ANKRD13C: variants seen among roughly 807,000 people sequenced by gnomAD.
ANKRD13C encodes the protein ankyrin repeat domain-containing protein 13C.
Under a neutral mutation model 65.5 loss-of-function variants are expected in ANKRD13C, and 16 were observed. The observed-to-expected ratio is 0.24, with a 90% CI of 0.17 to 0.37. ANKRD13C has a LOEUF of 0.37. Ranked by LOEUF, ANKRD13C falls within the 10% of genes least tolerant of loss-of-function variation. The pLI is 1.00. For synonymous variants in ANKRD13C, 235 were observed against 238.7 expected (o/e 0.98, Z 0.14); for missense variants, 503 against 655.9 (o/e 0.77, Z 2.55).
At chr1:70,339,011 C>A (rs1269764212) in intron 1 of ANKRD13C, among the ~76,000 whole-genome samples, 1 of 152,038 alleles carries the variant, frequency 6.6e-6, no homozygotes, top group Non-Finnish European at 1.5e-5. Flanking sequence ...CACTTGAGGC[C>A]AGGAGTTCAG....
At chr1:70,349,955 G>A (rs1572189699) in intron 1 of ANKRD13C, among the ~76,000 whole-genome samples, 1 of 152,254 alleles carries the variant, frequency 6.6e-6, no homozygotes, top group Middle Eastern at 3.4e-3. Context: ...GGCCAACACG[G>A]TGAAACCCTG....
chr1:70,354,469 C>T lies in ANKRD13C; in HGVS notation c.-61G>A. 6.5e-7 allele frequency: 1 copy of T among 1,539,146 alleles called. No individual in the cohort carries two copies. The highest frequency in any genetic ancestry group is 1.2e-5 in the South Asian group (1 of 80,272). ...CTCACCGCTGGCGACGGAGCTGGCG[C>T]TGCGGCGGCACAAGGCGATTAGAGC... On this transcript the variant is annotated 5_prime_UTR_variant, in exon 1 of 13. Coordinates refer to ENST00000370944, the MANE Select transcript of ANKRD13C (RefSeq NM_030816.5).
chr1:70,294,470 T>C (rs1047318203), intron 8 of ANKRD13C, among the ~76,000 whole-genome samples: 4 of 152,144 alleles, frequency 2.6e-5, no homozygotes, highest in Admixed American at 6.6e-5. Context: ...GGACTTTAAG[T>C]AGAGCTAATT....
intron 2 of ANKRD13C, among the ~76,000 whole-genome samples, chr1:70,335,283 G>A (rs1399465749): frequency 6.6e-6 from 1 of 151,014 alleles, no homozygotes; most frequent in Non-Finnish European, 1.5e-5. Flanking sequence ...GCATGAGCCT[G>A]TAGTCCCAGC....
At chr1:70,309,598 C>A (rs1680750760) in intron 5 of ANKRD13C, among the ~76,000 whole-genome samples, 1 of 149,082 alleles carries the variant, frequency 6.7e-6, no homozygotes, top group African/African-American at 2.4e-5. Context: ...TGGTGGCGGG[C>A]GCCTGTAGTC....
At chr1:70,284,017 A>G (rs1443042431) in intron 9 of ANKRD13C, among the ~76,000 whole-genome samples, 1 of 152,148 alleles carries the variant, frequency 6.6e-6, no homozygotes, top group Non-Finnish European at 1.5e-5. Context: ...GAGCACTTAA[A>G]TTTTGCTATC....
At position 70,352,992 on chromosome 1, in the gene ANKRD13C, G is replaced by C. The variant is rs72929297; in HGVS notation, c.430+987C>G. On this transcript the variant is annotated intron_variant, in intron 1 of 12. Coordinates refer to ENST00000370944, the MANE Select transcript of ANKRD13C (RefSeq NM_030816.5). Reference sequence around the variant, plus strand: ...GGAATTAAGTGAGCTTATTTCACAGGCAAATATTTCATTGATACGTATATC... The same window carrying C: ...GGAATTAAGTGAGCTTATTTCACAGCCAAATATTTCATTGATACGTATATC... Among the ~76,000 whole-genome samples, 804 of 152,144 alleles carry C rather than the reference G, an allele frequency of 5.3e-3. 10 individuals carry two copies. The highest frequency in any genetic ancestry group is 0.019 in the African/African-American group (777 of 41,502).
At chr1:70,311,418 T>C (rs1680844941) in intron 5 of ANKRD13C, among the ~76,000 whole-genome samples, 1 of 152,072 alleles carries the variant, frequency 6.6e-6, no homozygotes. Context: ...GAGGTTGCAG[T>C]GAGCTGAGAT....
intron 9 of ANKRD13C, among the ~76,000 whole-genome samples, chr1:70,277,406 G>T (rs1246714186): frequency 6.7e-6 from 1 of 149,342 alleles, no homozygotes; most frequent in African/African-American, 2.5e-5. Context: ...GCAGTGAGCC[G>T]AGATCGTGCC....
At chr1:70,302,700 T>C (rs1255280014) in intron 6 of ANKRD13C, among the ~76,000 whole-genome samples, 7 of 79,194 alleles carry the variant, frequency 8.8e-5, no homozygotes, top group Admixed American at 2.3e-4. Flanking sequence ...CACTCCAGCC[T>C]GGGCGACAGA....
At chr1:70,336,870 T>A (rs562183809) in intron 1 of ANKRD13C, among the ~76,000 whole-genome samples, 2 of 152,292 alleles carry the variant, frequency 1.3e-5, no homozygotes, top group East Asian at 3.9e-4. Flanking sequence ...CTACATCCTA[T>A]AGTTGATGTT....
intron 12 of ANKRD13C, among the ~76,000 whole-genome samples, chr1:70,267,846 A>G (rs76186551): frequency 0.016 from 2,454 of 152,054 alleles, 78 homozygotes; most frequent in African/African-American, 0.056. Context: ...CTGTATCACA[A>G]TTTCCCGGTG....
intron 9 of ANKRD13C, among the ~76,000 whole-genome samples, chr1:70,281,289 T>A (rs539869007): frequency 6.6e-6 from 1 of 152,254 alleles, no homozygotes; most frequent in Non-Finnish European, 1.5e-5. Flanking sequence ...CCCATTAGTC[T>A]TTGTGAAAGA....
At chr1:70,290,880 A>G (rs1362416516) in intron 9 of ANKRD13C, among the ~76,000 whole-genome samples, 3 of 150,170 alleles carry the variant, frequency 2.0e-5, no homozygotes, top group African/African-American at 7.4e-5. Context: ...TTAGATACAA[A>G]TTTTTTTAAG....
intron 2 of ANKRD13C, among the ~76,000 whole-genome samples, chr1:70,326,231 CAAAAAAAAAA>C (rs59618915): frequency 0.014 from 420 of 31,034 alleles, 1 homozygote; most frequent in Middle Eastern, 0.029. Flanking sequence ...AACTCTGTCT[CAAAAAAAAAA>C]AAAAAAAAAA....
At chr1:70,313,833 A>G (rs201726611) in intron 4 of ANKRD13C, 43 bp from the exon 5 acceptor site, 8 of 1,432,612 alleles carry the variant, frequency 5.6e-6, no homozygotes, top group South Asian at 1.2e-5. Context: ...CACCTTAGTT[A>G]AAAGTTCTTA....
intron 7 of ANKRD13C, 59 bp downstream of exon 7, chr1:70,300,704 TA>T (rs1680312312): frequency 6.9e-7 from 1 of 1,441,258 alleles, no homozygotes; most frequent in South Asian, 1.5e-5. Context: ...GAGGTTTTGC[TA>T]AAAACCTATA....
At chr1:70,269,573 T>C (rs1335077777) in intron 12 of ANKRD13C, among the ~76,000 whole-genome samples, 4 of 152,144 alleles carry the variant, frequency 2.6e-5, no homozygotes, top group African/African-American at 9.7e-5. Flanking sequence ...CTTATGGCTA[T>C]GGCACACAGC....
Position 70,350,263 on chromosome 1 carries a change from T to C in ANKRD13C, c.430+3716A>G, listed in dbSNP as rs186547901. 3.8e-3 allele frequency among the ~76,000 whole-genome samples: 579 copies of C among 152,368 alleles called. 1 individual carries two copies. The highest frequency in any genetic ancestry group is 4.2e-3 in the Non-Finnish European group (289 of 68,040). ...GGCTAATATATCTCCAGCAATAAGGTTAGTTCTGGGCACCATCTTCTAAGG... is the reference window on the plus strand; with the variant it reads ...GGCTAATATATCTCCAGCAATAAGGCTAGTTCTGGGCACCATCTTCTAAGG... On this transcript the variant is annotated intron_variant, in intron 1 of 12. Transcript: ENST00000370944.
Sources: gnomAD v4.1 joint callset for allele counts (sites outside exome capture counted in the v4.1 genomes callset) on GRCh38, gnomAD v4.1.1 for gene constraint, MANE v1.5 for transcripts, NCBI Gene and HGNC (gene_info 2026-07-23, HGNC 2026-07-21) for gene names.